PHF24: variants seen among roughly 807,000 people sequenced by gnomAD.
The protein encoded by PHF24 is Galpha inhibitory interacting protein.
Under a neutral mutation model 42.6 loss-of-function variants are expected in PHF24, and 25 were observed. The observed-to-expected ratio is 0.59, with a 90% CI of 0.43 to 0.82. The LOEUF is 0.82. Ranked by LOEUF, PHF24 falls within the 40% of genes least tolerant of loss-of-function variation. PHF24 has a pLI of 0.00. For missense variants in PHF24, 470 were observed against 538.1 expected (o/e 0.87, Z 1.25); for synonymous variants, 185 against 204.8 (o/e 0.90, Z 0.83).
At chr9:34,744,956 G>T in the PHF24 span, among the ~76,000 whole-genome samples, 1 of 152,306 alleles carries the variant, frequency 6.6e-6, no homozygotes, top group African/African-American at 2.4e-5. Flanking sequence ...GAAGCCAGGG[G>T]TTAGTTACAG....
the PHF24 span, among the ~76,000 whole-genome samples, chr9:34,898,315 G>T: frequency 6.6e-6 from 1 of 152,084 alleles, no homozygotes; most frequent in Admixed American, 6.5e-5. Flanking sequence ...TTCCCTTATT[G>T]CCACATCCAT....
the PHF24 span, among the ~76,000 whole-genome samples, chr9:34,700,231 T>C: frequency 6.6e-6 from 1 of 152,084 alleles, no homozygotes; most frequent in Non-Finnish European, 1.5e-5. Context: ...TGGGGAGCTA[T>C]TGGAAGGTAT....
At chr9:34,869,154 T>C in the PHF24 span, among the ~76,000 whole-genome samples, 2 of 152,230 alleles carry the variant, frequency 1.3e-5, no homozygotes, top group African/African-American at 4.8e-5. Flanking sequence ...CAGTCTACCA[T>C]TGATGGGCAT....
the PHF24 span, among the ~76,000 whole-genome samples, chr9:34,748,967 GA>G: frequency 2.7e-3 from 404 of 152,022 alleles, 1 homozygote; most frequent in Middle Eastern, 0.01. Context: ...ATAACACAGA[GA>G]AAAAATTCAG....
chr9:34,789,239 G>GGCT, the PHF24 span, among the ~76,000 whole-genome samples: 1 of 152,140 alleles, frequency 6.6e-6, no homozygotes. Flanking sequence ...GAACTCTCGG[G>GGCT]GCTGCTGCTG....
the PHF24 span, among the ~76,000 whole-genome samples, chr9:34,730,972 C>G: frequency 6.6e-5 from 10 of 151,960 alleles, no homozygotes; most frequent in South Asian, 2.1e-4. Context: ...GGAGGGAGGG[C>G]CTTTGTATCT....
chr9:34,860,290 A>G, the PHF24 span, among the ~76,000 whole-genome samples: 3 of 152,352 alleles, frequency 2.0e-5, no homozygotes, highest in African/African-American at 4.8e-5. Context: ...AGTAGGGTGT[A>G]TATGGGCCCT....
chr9:34,944,512 C>G, the PHF24 span, among the ~76,000 whole-genome samples: 1 of 152,218 alleles, frequency 6.6e-6, no homozygotes. Flanking sequence ...AGAAGGGACT[C>G]TGCAACATCT....
At chr9:34,769,084 T>G in the PHF24 span, among the ~76,000 whole-genome samples, 1 of 152,178 alleles carries the variant, frequency 6.6e-6, no homozygotes, top group Non-Finnish European at 1.5e-5. Context: ...AAAACCTTTT[T>G]GAGAAAAAAG....
chr9:34,850,241 A>G, the PHF24 span, among the ~76,000 whole-genome samples: 17 of 152,244 alleles, frequency 1.1e-4, no homozygotes, highest in East Asian at 1.7e-3. Context: ...AGGTACACCA[A>G]TCAGACGTAG....
the PHF24 span, chr9:34,889,541 G>T: frequency 5.0e-6 from 2 of 398,464 alleles, no homozygotes; most frequent in Admixed American, 4.4e-5. Flanking sequence ...CCTTAGAAAG[G>T]AGAATGGATT....
At chr9:34,708,095 C>T in the PHF24 span, among the ~76,000 whole-genome samples, 1 of 152,060 alleles carries the variant, frequency 6.6e-6, no homozygotes, top group Admixed American at 6.6e-5. Flanking sequence ...TTGTCTGGCC[C>T]AATCTGATGG....
the PHF24 span, among the ~76,000 whole-genome samples, chr9:34,733,498 T>G: frequency 6.6e-6 from 1 of 151,602 alleles, no homozygotes; most frequent in Non-Finnish European, 1.5e-5. Flanking sequence ...ATGGCTTCTG[T>G]GGGTCTTTTT....
the PHF24 span, among the ~76,000 whole-genome samples, chr9:34,929,729 A>G: frequency 1.3e-5 from 2 of 152,220 alleles, no homozygotes; most frequent in African/African-American, 4.8e-5. Flanking sequence ...GCTCAAGCAC[A>G]CATACTGCCG....
chr9:34,870,083 T>G, the PHF24 span, among the ~76,000 whole-genome samples: 4 of 152,034 alleles, frequency 2.6e-5, no homozygotes, highest in African/African-American at 9.7e-5. Flanking sequence ...CAGTTTTAGG[T>G]TCACAGTAAA....
At chr9:34,854,190 CT>C in the PHF24 span, among the ~76,000 whole-genome samples, 2 of 32,640 alleles carry the variant, frequency 6.1e-5, no homozygotes, top group Non-Finnish European at 1.4e-4. Flanking sequence ...AGCTAGCAGT[CT>C]ATCTATTTTT....
At chr9:34,695,045 G>T in the PHF24 span, among the ~76,000 whole-genome samples, 1 of 152,160 alleles carries the variant, frequency 6.6e-6, no homozygotes, top group African/African-American at 2.4e-5. Flanking sequence ...GTGGCTGGGG[G>T]CCTCTAGACA....
chr9:34,893,363 G>A, the PHF24 span, among the ~76,000 whole-genome samples: 1 of 152,124 alleles, frequency 6.6e-6, no homozygotes, highest in African/African-American at 2.4e-5. Flanking sequence ...CACTTTGGGA[G>A]GCTGAGGTGG....
the PHF24 span, among the ~76,000 whole-genome samples, chr9:34,792,256 G>C: frequency 6.6e-6 from 1 of 152,136 alleles, no homozygotes. Flanking sequence ...AAACTACTTG[G>C]CCCTAATTGA....
Sources: gnomAD v4.1 joint callset for allele counts (sites outside exome capture counted in the v4.1 genomes callset) on GRCh38, gnomAD v4.1.1 for gene constraint, MANE v1.5 for transcripts, NCBI Gene and HGNC (gene_info 2026-07-23, HGNC 2026-07-21) for gene names.